Variants in FNTB observed in about 807,000 individuals in gnomAD.
FNTB encodes farnesyltransferase, CAAX box, subunit beta.
In FNTB, 27 loss-of-function variants were observed where a neutral mutation model predicts 59.4. That is an observed-to-expected ratio of 0.45 (90% CI 0.34 to 0.63). The LOEUF (loss-of-function observed/expected upper bound fraction) is 0.63. Ranked by LOEUF, FNTB falls within the 20% of genes least tolerant of loss-of-function variation. The pLI, the probability that FNTB is intolerant of heterozygous loss-of-function variation, is 0.02. For missense variants in FNTB, 449 were observed against 559.6 expected (o/e 0.80, Z 1.99); for synonymous variants, 230 against 220.7 (o/e 1.04, Z -0.37).
chr14:65,005,454 TTTCTTTC>T (rs1314200865), intron 2 of FNTB, among the ~76,000 whole-genome samples: 37 of 56,496 alleles, frequency 6.5e-4, no homozygotes, highest in African/African-American at 2.3e-3. Context: ...CTTTCTTTTC[TTTCTTTC>T]TTTCTTTCTT....
rs1225361847 is a variant in FNTB at position 65,007,614 on chromosome 14, T to C, written c.209+3301T>C. Reference sequence around the variant, plus strand: ...TTCTCTAAGGTTGGGACTGTCTACCTGGAGTGAGGTAGTCAGTCCCAAGGA... The same window carrying C: ...TTCTCTAAGGTTGGGACTGTCTACCCGGAGTGAGGTAGTCAGTCCCAAGGA... On this transcript the variant is annotated intron_variant, in intron 2 of 11. Transcript: ENST00000246166. The surrounding 1 kb of genome is among the most constrained non-coding windows in gnomAD (Gnocchi z 4.9). 2.0e-5 allele frequency among the ~76,000 whole-genome samples: 3 copies of C among 152,242 alleles called. No homozygotes were observed. The highest frequency in any genetic ancestry group is 4.8e-5 in the African/African-American group (2 of 41,466).
rs1287246388 is a variant in FNTB, at chr14:65,007,758, G to A, written c.209+3445G>A. On this transcript the variant is annotated intron_variant, in intron 2 of 11. Transcript: ENST00000246166. This position sits in a 1 kb window ranked among gnomAD's most constrained non-coding sequence, Gnocchi z 4.9. ...CACACCCTTTTGAATGTACCCTTTT[G>A]CATTTATCACCTTGGCTTTAATAAG... 6.6e-6 allele frequency among the ~76,000 whole-genome samples: 1 copy of A among 152,076 alleles called. No homozygotes were observed. Among genetic ancestry groups the A allele is most frequent in the Non-Finnish European group, 1.5e-5 (1 of 68,014 alleles).
intron 2 of FNTB, among the ~76,000 whole-genome samples, chr14:65,006,771 ATTTG>A (rs1566865985): frequency 6.6e-6 from 1 of 152,164 alleles, no homozygotes; most frequent in Non-Finnish European, 1.5e-5. Context: ...CTTTTTTAAA[ATTTG>A]TTTTTCCTTA....
intron 11 of FNTB, among the ~76,000 whole-genome samples, chr14:65,056,758 T>G (rs2062745454): frequency 6.6e-6 from 1 of 152,232 alleles, no homozygotes; most frequent in Non-Finnish European, 1.5e-5. Flanking sequence ...ATGTGTGTAG[T>G]GAATATCTTC....
chr14:65,037,254 C>T (rs986161127), intron 7 of FNTB, among the ~76,000 whole-genome samples: 1 of 151,244 alleles, frequency 6.6e-6, no homozygotes, highest in African/African-American at 2.4e-5. Context: ...CAGAAGCCCA[C>T]GACCACGCCC....
chr14:65,045,309 G>A (rs192137209), intron 9 of FNTB, among the ~76,000 whole-genome samples: 139 of 152,180 alleles, frequency 9.1e-4, no homozygotes, highest in Admixed American at 3.3e-3. Context: ...GCTGTTCTTC[G>A]GACTTAGTTG....
rs1292014431 is a variant in FNTB at position 64,990,651 on chromosome 14, T to C, written c.144+3554T>C. Among the ~76,000 whole-genome samples, 1 of 152,200 alleles carries C rather than the reference T, an allele frequency of 6.6e-6. No homozygotes were observed. Among genetic ancestry groups the C allele is most frequent in the African/African-American group, 2.4e-5 (1 of 41,442 alleles). Reference sequence around the variant, plus strand: ...TCCTCAAATCACCCACTTTGTGCCATCTGTTTCCTGCCAGGACTTAGACTG... The same window carrying C: ...TCCTCAAATCACCCACTTTGTGCCACCTGTTTCCTGCCAGGACTTAGACTG... On this transcript the variant is annotated intron_variant, in intron 1 of 11. Transcript: ENST00000246166. The surrounding 1 kb of genome is among the most constrained non-coding windows in gnomAD (Gnocchi z 5.2).
At chr14:65,016,827 C>T (rs1343911996) in intron 4 of FNTB, among the ~76,000 whole-genome samples, 1 of 151,964 alleles carries the variant, frequency 6.6e-6, no homozygotes, top group Non-Finnish European at 1.5e-5. Flanking sequence ...ATCGGGATGC[C>T]ACTGCAAGCC....
intron 4 of FNTB, among the ~76,000 whole-genome samples, chr14:65,020,923 T>C (rs748187675): frequency 3.3e-5 from 5 of 151,832 alleles, no homozygotes; most frequent in Non-Finnish European, 5.9e-5. Context: ...AAAGACAGGC[T>C]TTCAACATGT....
intron 3 of FNTB, among the ~76,000 whole-genome samples, chr14:65,013,673 G>T (rs999769283): frequency 9.2e-5 from 14 of 152,116 alleles, no homozygotes; most frequent in African/African-American, 3.4e-4. Flanking sequence ...TCAGCCTTCT[G>T]AGTGGCCAGG....
chr14:65,019,175 AAAAAAG>A (rs549542967), intron 4 of FNTB, among the ~76,000 whole-genome samples: 2 of 151,772 alleles, frequency 1.3e-5, no homozygotes, highest in East Asian at 3.9e-4. Context: ...CTCCATCTCA[AAAAAAG>A]AAAAAGAAAA....
chr14:65,019,460 C>T (rs2061846827), intron 4 of FNTB, among the ~76,000 whole-genome samples: 1 of 152,166 alleles, frequency 6.6e-6, no homozygotes, highest in Admixed American at 6.5e-5. Context: ...GCACTCCAGC[C>T]TGGGTAACAG....
At position 65,044,711 on chromosome 14, in the gene FNTB, G is replaced by A. The variant is rs2296319; in HGVS notation, c.955+268G>A. ...TTGCTACGGGGAGCGGGGAGGAAGT[G>A]GGCGCTGCTTCTGCGTTATCTGGAA... On this transcript the variant is annotated intron_variant, in intron 9 of 11. Transcript: ENST00000246166. The surrounding 1 kb of genome is among the most constrained non-coding windows in gnomAD (Gnocchi z 5.5). The A allele has an allele frequency of 8.9e-3, 4,323 of 483,126 alleles. 127 individuals carry two copies. The East Asian group carries it at 0.11, about 12-fold the overall frequency. 29.9% of individuals were successfully genotyped at this position (483,126 alleles called of 1,614,324 possible). A position where few individuals can be genotyped will look rare whatever the true frequency, so the allele number is the denominator to read the frequency against.
At chr14:65,038,276 G>C (rs926361208) in intron 7 of FNTB, among the ~76,000 whole-genome samples, 1 of 151,796 alleles carries the variant, frequency 6.6e-6, no homozygotes, top group Non-Finnish European at 1.5e-5. Context: ...CGGGTGTGGT[G>C]GTGGGTACCT....
At chr14:65,003,755 CCTT>C (rs2061543571) in intron 1 of FNTB, 1 of 152,134 alleles carries the variant, frequency 6.6e-6, no homozygotes, top group African/African-American at 2.4e-5. Flanking sequence ...ATTTAGTCAT[CCTT>C]CTCTTTTGGT....
Position 64,994,466 on chromosome 14 carries a change from C to T in FNTB, c.144+7369C>T, listed in dbSNP as rs1888320592. On this transcript the variant is annotated intron_variant, in intron 1 of 11. Coordinates refer to ENST00000246166, the MANE Select transcript of FNTB (RefSeq NM_002028.4). This position sits in a 1 kb window ranked among gnomAD's most constrained non-coding sequence, Gnocchi z 4.2. ...TTAACACAAATGTAGATGGCATAGCCTACTACACACCTAGGCTATATGGTA... is the reference window on the plus strand; with the variant it reads ...TTAACACAAATGTAGATGGCATAGCTTACTACACACCTAGGCTATATGGTA... 6.6e-6 allele frequency among the ~76,000 whole-genome samples: 1 copy of T among 152,116 alleles called. No homozygotes were observed. The highest frequency in any genetic ancestry group is 1.5e-5 in the Non-Finnish European group (1 of 68,032).
In FNTB at chr14:64,990,617, T is replaced by C. The variant is rs988497746; in HGVS notation, c.144+3520T>C. On this transcript the variant is annotated intron_variant, in intron 1 of 11. Transcript: ENST00000246166. This position sits in a 1 kb window ranked among gnomAD's most constrained non-coding sequence, Gnocchi z 5.2. ...CCCACATCTTTGTAAATAGTTCCTT[T>C]ATAAACTCTCCTCAAATCACCCACT... 1.3e-5 allele frequency among the ~76,000 whole-genome samples: 2 copies of C among 152,200 alleles called. No homozygotes were observed. The highest frequency in any genetic ancestry group is 6.5e-5 in the Admixed American group (1 of 15,278).
rs1434652007 is a variant in FNTB at position 64,990,196 on chromosome 14, C to T, written c.144+3099C>T. Among the ~76,000 whole-genome samples, 1 of 152,142 alleles carries T rather than the reference C, an allele frequency of 6.6e-6. No homozygotes were observed. Among genetic ancestry groups the T allele is most frequent in the African/African-American group, 2.4e-5 (1 of 41,428 alleles). ...TGGCCTTTGGAAGTACTTTAAAATA[C>T]CCTGACTGAGATGGAGAGCCACTTG... On this transcript the variant is annotated intron_variant, in intron 1 of 11. Coordinates refer to ENST00000246166, the MANE Select transcript of FNTB (RefSeq NM_002028.4). The surrounding 1 kb of genome is among the most constrained non-coding windows in gnomAD (Gnocchi z 5.2).
intron 4 of FNTB, among the ~76,000 whole-genome samples, chr14:65,019,693 G>A (rs2061850426): frequency 6.6e-6 from 1 of 152,178 alleles, no homozygotes; most frequent in Non-Finnish European, 1.5e-5. Flanking sequence ...TCTACGCATT[G>A]ATTTAGTGAA....
Sources: gnomAD v4.1 joint callset for allele counts (sites outside exome capture counted in the v4.1 genomes callset) on GRCh38, gnomAD v4.1.1 for gene constraint, Gnocchi (gnomAD v3.1) non-coding constraint, MANE v1.5 for transcripts, NCBI Gene and HGNC (gene_info 2026-07-23, HGNC 2026-07-21) for gene names.